Variants in MCU observed in about 807,000 individuals in gnomAD.
MCU encodes the protein mitochondrial calcium uniporter.
Under a neutral mutation model 45.2 loss-of-function variants are expected in MCU, and 12 were observed. The ratio of observed to expected loss-of-function variants is 0.27; its 90% confidence interval spans 0.17 to 0.43. The LOEUF is 0.43. MCU is among the 20% of genes least tolerant of loss of function. The pLI is 1.00. For synonymous variants in MCU, 160 were observed against 165.1 expected (o/e 0.97, Z 0.24); for missense variants, 324 against 436.7 (o/e 0.74, Z 2.30).
intron 1 of MCU, among the ~76,000 whole-genome samples, chr10:72,707,606 G>GGT (rs373225323): frequency 0.05 from 6,796 of 134,944 alleles, 649 homozygotes; most frequent in East Asian, 0.41. Flanking sequence ...CGTGGTGAGT[G>GGT]GTGTGTGTGT....
chr10:72,740,150 G>A (rs1276997771), intron 1 of MCU, among the ~76,000 whole-genome samples: 1 of 151,842 alleles, frequency 6.6e-6, no homozygotes, highest in Non-Finnish European at 1.5e-5. Flanking sequence ...GGGAGGCTGC[G>A]GTGGGCGGAT....
chr10:72,843,168 A>G (rs1016662414), intron 2 of MCU, among the ~76,000 whole-genome samples: 9 of 152,168 alleles, frequency 5.9e-5, no homozygotes, highest in East Asian at 3.9e-4. Context: ...CCCCAAGTCC[A>G]TAATTTTCGT....
intron 6 of MCU, among the ~76,000 whole-genome samples, chr10:72,883,722 C>G (rs1472272321): frequency 6.6e-6 from 1 of 152,140 alleles, no homozygotes. Flanking sequence ...ATGATGAAGT[C>G]ACACAATATA....
chr10:72,729,971 T>TTC (rs1843149868), intron 1 of MCU, among the ~76,000 whole-genome samples: 1 of 148,776 alleles, frequency 6.7e-6, no homozygotes, highest in Non-Finnish European at 1.5e-5. Flanking sequence ...TTTTTTTTTT[T>TTC]TTTTCGAGAC....
rs564732976 is a variant in MCU at position 72,692,902 on chromosome 10, A to G, written c.150+601A>G. On this transcript the variant is annotated intron_variant, in intron 1 of 7. Coordinates refer to ENST00000373053, the MANE Select transcript of MCU (RefSeq NM_138357.3). ...CTTCCTCTGTGTGTGTGCATGGGGA[A>G]CCGGCTCCCTCGAGATGGATGCTGC... 8.3e-5 allele frequency: 123 copies of G among 1,489,210 alleles called. No individual in the cohort carries two copies. In the African/African-American group the frequency reaches 1.4e-3, roughly 17 times the overall value. The allele number at this position is 1,489,210 out of a possible 1,614,324, so 92.2% of individuals were successfully genotyped here.
intron 5 of MCU, among the ~76,000 whole-genome samples, chr10:72,871,103 TCGCCC>T (rs1845535855): frequency 6.6e-6 from 1 of 152,160 alleles, no homozygotes; most frequent in Non-Finnish European, 1.5e-5. Context: ...TTTCGCCATG[TCGCCC>T]AGGCTGGTCT....
intron 1 of MCU, chr10:72,757,119 T>G (rs1321672214): frequency 6.6e-6 from 1 of 152,036 alleles, no homozygotes; most frequent in African/African-American, 2.4e-5. Context: ...AGTGAGTGGT[T>G]TTATCAGTCA....
chr10:72,781,918 C>T (rs185595761), intron 1 of MCU, among the ~76,000 whole-genome samples: 7 of 152,160 alleles, frequency 4.6e-5, no homozygotes, highest in African/African-American at 1.4e-4. Flanking sequence ...TGCTTTGTGG[C>T]CATGAATAGG....
chr10:72,869,868 T>A (rs1845514117), intron 5 of MCU, among the ~76,000 whole-genome samples: 1 of 152,166 alleles, frequency 6.6e-6, no homozygotes, highest in Non-Finnish European at 1.5e-5. Flanking sequence ...TATAGAATAT[T>A]ATGCAACTAT....
At chr10:72,771,122 A>G (rs933226646) in intron 1 of MCU, among the ~76,000 whole-genome samples, 16 of 152,166 alleles carry the variant, frequency 1.1e-4, no homozygotes, top group African/African-American at 3.1e-4. Context: ...ATAGGTATAC[A>G]TGTGCCATGA....
chr10:72,777,762 A>G (rs1228474349), intron 1 of MCU, among the ~76,000 whole-genome samples: 1 of 152,218 alleles, frequency 6.6e-6, no homozygotes, highest in African/African-American at 2.4e-5. Context: ...AGGAGACAAC[A>G]TAGAGAATGG....
intron 1 of MCU, among the ~76,000 whole-genome samples, chr10:72,703,890 A>AAACAAC (rs143749981): frequency 9.3e-5 from 14 of 150,782 alleles, no homozygotes; most frequent in East Asian, 3.9e-4. Flanking sequence ...CTCTGTCTCA[A>AAACAAC]AACAACAACA....
intron 1 of MCU, among the ~76,000 whole-genome samples, chr10:72,749,481 A>G (rs1460935078): frequency 2.6e-5 from 4 of 152,254 alleles, no homozygotes; most frequent in Admixed American, 1.3e-4. Context: ...AATAAATACA[A>G]CACATTAGGT....
intron 2 of MCU, among the ~76,000 whole-genome samples, chr10:72,842,670 A>C (rs1400917192): frequency 1.3e-5 from 2 of 151,844 alleles, no homozygotes; most frequent in Admixed American, 1.3e-4. Flanking sequence ...TGTATATTTT[A>C]TTTCTTTTTA....
chr10:72,692,848 G>A, intron 1 of MCU: 1 of 1,430,102 alleles, frequency 7.0e-7, no homozygotes, highest in Non-Finnish European at 9.1e-7. Context: ...CGGGCAGGAA[G>A]GAAAATCAAA....
At chr10:72,852,962 T>G (rs1223635736) in intron 2 of MCU, among the ~76,000 whole-genome samples, 1 of 152,186 alleles carries the variant, frequency 6.6e-6, no homozygotes, top group Non-Finnish European at 1.5e-5. Context: ...AACCATATCT[T>G]AGAAGTAGGG....
Position 72,706,729 on chromosome 10 carries a change from G to T in MCU, c.150+14428G>T, listed in dbSNP as rs550446670. ...TTTTTGTACTTGTAGTAGAGACGGG[G>T]TTTCACCATGTTGGCCAGAATGGTC... On this transcript the variant is annotated intron_variant, in intron 1 of 7. Transcript: ENST00000373053. 2.2e-4 allele frequency among the ~76,000 whole-genome samples: 34 copies of T among 151,366 alleles called. No individual in the cohort carries two copies. The South Asian group carries it at 6.9e-3, about 31-fold the overall frequency.
chr10:72,693,293 T>C (rs1280863974), intron 1 of MCU, among the ~76,000 whole-genome samples: 1 of 152,038 alleles, frequency 6.6e-6, no homozygotes, highest in Non-Finnish European at 1.5e-5. Flanking sequence ...AGTCAGGAGG[T>C]TTCCTTCCCT....
intron 1 of MCU, among the ~76,000 whole-genome samples, chr10:72,723,345 CAT>C (rs1204247411): frequency 4.6e-5 from 7 of 151,930 alleles, no homozygotes; most frequent in Admixed American, 2.0e-4. Flanking sequence ...TTTTTTCTAA[CAT>C]ATTCAGAATC....
Sources: gnomAD v4.1 joint callset for allele counts (sites outside exome capture counted in the v4.1 genomes callset) on GRCh38, gnomAD v4.1.1 for gene constraint, MANE v1.5 for transcripts, NCBI Gene and HGNC (gene_info 2026-07-23, HGNC 2026-07-21) for gene names.